Variants in SBK1 observed in about 807,000 individuals in gnomAD.
SBK1 encodes serine/threonine-protein kinase SBK1.
SBK1 carries 11 observed loss-of-function variants against 24.4 expected under a neutral mutation model. The ratio of observed to expected loss-of-function variants is 0.45; its 90% confidence interval spans 0.28 to 0.75. SBK1 has a LOEUF of 0.75. Ranked by LOEUF, SBK1 falls within the 30% of genes least tolerant of loss-of-function variation. SBK1 has a pLI of 0.12. For missense variants in SBK1, 467 were observed against 620.5 expected (o/e 0.75, Z 2.63); for synonymous variants, 308 against 284.4 (o/e 1.08, Z -0.83).
intron 1 of SBK1, among the ~76,000 whole-genome samples, chr16:28,313,810 G>A (rs1169665115): frequency 2.6e-5 from 4 of 152,106 alleles, no homozygotes; most frequent in South Asian, 4.2e-4. Context: ...CCTCCTCTCC[G>A]TGTGAAGTGG....
At position 28,317,273 on chromosome 16, in the gene SBK1, C is replaced by A; in HGVS notation, c.-7-112C>A. The A allele has an allele frequency of 1.3e-6, 1 of 755,554 alleles. No homozygotes were observed. Among genetic ancestry groups the A allele is most frequent in the Non-Finnish European group, 2.2e-6 (1 of 460,596 alleles). The allele number at this position is 755,554 out of a possible 1,614,324, so 46.8% of individuals were successfully genotyped here. A position where few individuals can be genotyped will look rare whatever the true frequency, so the allele number is the denominator to read the frequency against. On this transcript the variant is annotated intron_variant, in intron 1 of 3. Transcript: ENST00000341901. The surrounding 1 kb of genome is among the most constrained non-coding windows in gnomAD (Gnocchi z 4.2). ...TCGCCCCCTTGTGGTTATCTTGGGC[C>A]TGGCATCCGGGCCCATCCTCAAGTT...
rs866353932 is a variant in SBK1, at chr16:28,293,146, C to T, written c.-162C>T. 1.8e-5 allele frequency: 18 copies of T among 985,626 alleles called. No individual in the cohort carries two copies. Among genetic ancestry groups the T allele is most frequent in the South Asian group, 4.7e-5 (1 of 21,302 alleles). 61.1% of individuals were successfully genotyped at this position (985,626 alleles called of 1,614,324 possible). On this transcript the variant is annotated 5_prime_UTR_variant, in exon 1 of 4. Coordinates refer to ENST00000341901, the MANE Select transcript of SBK1 (RefSeq NM_001024401.3). Reference sequence around the variant, plus strand: ...CAGCAAGAAGCCTCGGGGATCCCCCCCCTAAAGCTCCAGGACTTGGGCGAC... The same window carrying T: ...CAGCAAGAAGCCTCGGGGATCCCCCTCCTAAAGCTCCAGGACTTGGGCGAC...
intron 1 of SBK1, among the ~76,000 whole-genome samples, chr16:28,304,604 G>T (rs2044702475): frequency 6.6e-6 from 1 of 152,026 alleles, no homozygotes; most frequent in Non-Finnish European, 1.5e-5. Context: ...TTTTTTGTTT[G>T]TTTGTTTTTT....
chr16:28,302,090 A>T (rs1486944432), intron 1 of SBK1, among the ~76,000 whole-genome samples: 1 of 152,194 alleles, frequency 6.6e-6, no homozygotes, highest in Non-Finnish European at 1.5e-5. Context: ...GTGTAGAAGT[A>T]TGCATGTGCT....
chr16:28,279,123 C>T (rs959392174), intron 1 of SBK1, among the ~76,000 whole-genome samples: 5 of 151,128 alleles, frequency 3.3e-5, no homozygotes, highest in Non-Finnish European at 5.9e-5. Flanking sequence ...AGGAGAATCA[C>T]TTGAACCCAA....
In SBK1 at chr16:28,280,115, C is replaced by CTATATATATATA. The variant is rs1193408430; in HGVS notation, c.257+20637_257+20648dup. Among the ~76,000 whole-genome samples, 227 of 29,418 alleles carry CTATATATATATA rather than the reference C, an allele frequency of 7.7e-3. 12 individuals are homozygous for CTATATATATATA. The highest frequency in any genetic ancestry group is 0.014 in the East Asian group (15 of 1,098). 19.3% of individuals were successfully genotyped at this position (29,418 alleles called of 152,430 possible). On this transcript the variant is annotated intron_variant, in intron 1 of 3. Coordinates refer to the SBK1 transcript ENST00000671413. ...CCATGCCTCCCTAATTTGAAAAAAA[C>CTATATATATATA]TATATATATATATATATATATATAT...
At position 28,320,744 on chromosome 16, in the gene SBK1, G is replaced by T; in HGVS notation, c.1098G>T (p.Ala366=). ...AGAGCGGCAGCGGCTCCCGGCCCGC[G>T]CCCCCCGCCGTCGGGTCGGTGCCCT... ...LTESGSGSRP[A]PPAVGSVPLP... Residue 366 remains alanine (A), a synonymous_variant, in exon 4 of 4, where the codon GCG becomes GCT. Coordinates refer to ENST00000341901, the MANE Select transcript of SBK1 (RefSeq NM_001024401.3). The surrounding 1 kb of genome is among the most constrained non-coding windows in gnomAD (Gnocchi z 8.5). 1 of 1,216,158 alleles carries T rather than the reference G, an allele frequency of 8.2e-7. No homozygotes were observed. Among genetic ancestry groups the T allele is most frequent in the Non-Finnish European group, 1.0e-6 (1 of 969,930 alleles). The allele number at this position is 1,216,158 out of a possible 1,614,324, so 75.3% of individuals were successfully genotyped here.
chr16:28,298,625 G>A (rs191311751), intron 1 of SBK1, among the ~76,000 whole-genome samples: 246 of 152,344 alleles, frequency 1.6e-3, no homozygotes, highest in African/African-American at 5.7e-3. Flanking sequence ...GCTTGAGCAG[G>A]GCCTGCTGCT....
intron 1 of SBK1, among the ~76,000 whole-genome samples, chr16:28,265,858 G>GA (rs2141558467): frequency 6.6e-6 from 1 of 151,418 alleles, no homozygotes; most frequent in African/African-American, 2.4e-5. Context: ...CCTGTAATCT[G>GA]AGCTACTCGG....
intron 1 of SBK1, among the ~76,000 whole-genome samples, chr16:28,303,456 C>G (rs1260496454): frequency 6.6e-6 from 1 of 150,900 alleles, no homozygotes; most frequent in African/African-American, 2.4e-5. Context: ...AAATGAGAAA[C>G]CTGTTCTTAC....
At chr16:28,294,943 G>A (rs1379832331) in intron 1 of SBK1, among the ~76,000 whole-genome samples, 1 of 152,236 alleles carries the variant, frequency 6.6e-6, no homozygotes, top group Non-Finnish European at 1.5e-5. Context: ...GCCCTTCCCA[G>A]AGAAAATGAC....
chr16:28,286,793 C>A (rs574692112), intron 1 of SBK1: 1 of 152,268 alleles, frequency 6.6e-6, no homozygotes, highest in Admixed American at 6.5e-5. Context: ...CAAATGCCAT[C>A]AGTTTCCCAA....
intron 1 of SBK1, among the ~76,000 whole-genome samples, chr16:28,295,958 T>G (rs909009697): frequency 8.7e-5 from 12 of 138,614 alleles, no homozygotes; most frequent in African/African-American, 3.0e-4. Context: ...AGAGTTTCAC[T>G]CTTGTTGCCC....
chr16:28,311,869 A>G (rs998645141), intron 1 of SBK1, among the ~76,000 whole-genome samples: 2 of 152,124 alleles, frequency 1.3e-5, no homozygotes, highest in Non-Finnish European at 2.9e-5. Context: ...TCCCAGGGCA[A>G]CTCTGAGGCA....
chr16:28,263,511 G>A (rs1014158244), intron 1 of SBK1, among the ~76,000 whole-genome samples: 3 of 152,166 alleles, frequency 2.0e-5, no homozygotes, highest in Non-Finnish European at 4.4e-5. Context: ...GCAGGAGCAC[G>A]GGGAGGGCTC....
chr16:28,259,648 C>A lies in SBK1; in HGVS notation c.257+146C>A. ...CACTGCCACTTCCTGCTTCAGATCT[C>A]AGATCTCTCACCTGGTTGTTGCCAC... On this transcript the variant is annotated intron_variant, in intron 1 of 3. Transcript: ENST00000671413. This position sits in a 1 kb window ranked among gnomAD's most constrained non-coding sequence, Gnocchi z 6.0. 6.4e-6 allele frequency: 1 copy of A among 157,002 alleles called. No individual in the cohort carries two copies. Among genetic ancestry groups the A allele is most frequent in the Non-Finnish European group, 1.4e-5 (1 of 72,298 alleles). The allele number at this position is 157,002 out of a possible 1,614,324, so 9.7% of individuals were successfully genotyped here. A position where few individuals can be genotyped will look rare whatever the true frequency, so the allele number is the denominator to read the frequency against.
chr16:28,309,998 C>T (rs762092018), intron 1 of SBK1, among the ~76,000 whole-genome samples: 4 of 152,148 alleles, frequency 2.6e-5, no homozygotes, highest in East Asian at 1.9e-4. Flanking sequence ...CAACGCTTGC[C>T]GACCGCCAGC....
At chr16:28,260,322 C>A (rs558577568) in intron 1 of SBK1, among the ~76,000 whole-genome samples, 2 of 152,264 alleles carry the variant, frequency 1.3e-5, no homozygotes, top group East Asian at 3.9e-4. Flanking sequence ...CCCCCACCTG[C>A]AGGGAAACCC....
intron 1 of SBK1, among the ~76,000 whole-genome samples, chr16:28,313,874 G>T (rs528550187): frequency 7.9e-5 from 12 of 152,238 alleles, no homozygotes; most frequent in African/African-American, 2.9e-4. Flanking sequence ...GGAGAGGCTT[G>T]GGGCCTGGAA....
Sources: gnomAD v4.1 joint callset for allele counts (sites outside exome capture counted in the v4.1 genomes callset) on GRCh38, gnomAD v4.1.1 for gene constraint, Gnocchi (gnomAD v3.1) non-coding constraint, MANE v1.5 for transcripts, NCBI Gene and HGNC (gene_info 2026-07-23, HGNC 2026-07-21) for gene names.